Variants in LASP1 observed in about 807,000 individuals in gnomAD.
The protein encoded by LASP1 is LIM and SH3 protein 1, also known as LIM and SH3 domain protein 1.
A neutral mutation model predicts 38.6 loss-of-function variants in LASP1; 10 were observed. The ratio of observed to expected loss-of-function variants is 0.26; its 90% CI spans 0.16 to 0.44. The LOEUF (loss-of-function observed/expected upper bound fraction) is 0.44. Among genes scored for constraint, LASP1 ranks in the 20% least tolerant of loss-of-function variants. The pLI, the probability that LASP1 is intolerant of heterozygous loss-of-function variation, is 1.00. For synonymous variants in LASP1, 132 were observed against 140.8 expected (o/e 0.94, Z 0.44); for missense variants, 243 against 375.7 (o/e 0.65, Z 2.92).
At chr17:38,870,730 G>C (rs1053258822) in intron 1 of LASP1, among the ~76,000 whole-genome samples, 1 of 152,190 alleles carries the variant, frequency 6.6e-6, no homozygotes, top group Non-Finnish European at 1.5e-5. Flanking sequence ...CGCTCCGGCG[G>C]GGGTGGCCTG....
rs763669509 is a variant in LASP1 at position 38,920,100 on chromosome 17, C to G, written c.*1322C>G. On this transcript the variant is annotated 3_prime_UTR_variant, in exon 7 of 7. Coordinates refer to ENST00000318008, the MANE Select transcript of LASP1 (RefSeq NM_006148.4). ...AGTGGAGGAAGCCCACCAATCTGCCCTTTGCAGTGTGCAGGGTGGAAGGTA... is the reference window on the plus strand; with the variant it reads ...AGTGGAGGAAGCCCACCAATCTGCCGTTTGCAGTGTGCAGGGTGGAAGGTA... The G allele has an allele frequency of 1.9e-6, 1 of 536,884 alleles. No homozygotes were observed. Among genetic ancestry groups the G allele is most frequent in the East Asian group, 3.9e-5 (1 of 25,778 alleles). The allele number at this position is 536,884 out of a possible 1,614,324, so 33.3% of individuals were successfully genotyped here. A position where few individuals can be genotyped will look rare whatever the true frequency, so the allele number is the denominator to read the frequency against.
At position 38,920,461 on chromosome 17, in the gene LASP1, T is replaced by C. The variant is rs767283766; in HGVS notation, c.*1683T>C. The stretch of plus-strand genomic sequence containing the variant: ...TGTGACAACCCTGGCCTCACTTGAT[T>C]CATCTCTGGTTTTCTTGCCACCCTC... On this transcript the variant is annotated 3_prime_UTR_variant, in exon 7 of 7. Transcript: ENST00000318008. 1.1e-5 allele frequency: 3 copies of C among 268,630 alleles called. No homozygotes were observed. The highest frequency in any genetic ancestry group is 2.2e-5 in the Non-Finnish European group (3 of 137,340). The allele number at this position is 268,630 out of a possible 1,614,324, so 16.6% of individuals were successfully genotyped here. A position where few individuals can be genotyped will look rare whatever the true frequency, so the allele number is the denominator to read the frequency against.
chr17:38,918,496 TCA>T lies in LASP1; in HGVS notation c.613-107_613-106del. The stretch of plus-strand genomic sequence containing the variant: ...AGAGCCTGGTGCTCCATTTCTGAGT[TCA>T]CTGCTCCCCCAGGCTCTGCTCCAGG... On this transcript the variant is annotated intron_variant, in intron 6 of 6. Coordinates refer to ENST00000318008, the MANE Select transcript of LASP1 (RefSeq NM_006148.4). This position sits in a 1 kb window ranked among gnomAD's most constrained non-coding sequence, Gnocchi z 4.4. 9.1e-7 allele frequency: 1 copy of T among 1,097,350 alleles called. No homozygotes were observed. The highest frequency in any genetic ancestry group is 1.3e-6 in the Non-Finnish European group (1 of 764,088). The allele number at this position is 1,097,350 out of a possible 1,614,324, so 68.0% of individuals were successfully genotyped here. A position where few individuals can be genotyped will look rare whatever the true frequency, so the allele number is the denominator to read the frequency against.
chr17:38,909,432 G>A (rs1455025657), intron 4 of LASP1, among the ~76,000 whole-genome samples: 7 of 152,058 alleles, frequency 4.6e-5, no homozygotes, highest in African/African-American at 1.7e-4. Flanking sequence ...CATGGTAAAA[G>A]CCTGTCTCTA....
At chr17:38,907,299 C>T (rs1021083060) in intron 4 of LASP1, among the ~76,000 whole-genome samples, 9 of 152,036 alleles carry the variant, frequency 5.9e-5, no homozygotes, top group African/African-American at 1.4e-4. Context: ...CCCTCTCTCT[C>T]GAGTTAGGGT....
intron 6 of LASP1, among the ~76,000 whole-genome samples, chr17:38,917,662 C>G (rs1386105744): frequency 6.6e-6 from 1 of 151,916 alleles, no homozygotes; most frequent in Non-Finnish European, 1.5e-5. Flanking sequence ...CAAATAATAG[C>G]ATACAGGGCA....
At chr17:38,909,656 A>C (rs991611896) in intron 4 of LASP1, among the ~76,000 whole-genome samples, 2 of 152,092 alleles carry the variant, frequency 1.3e-5, no homozygotes, top group Non-Finnish European at 2.9e-5. Flanking sequence ...ACTAGGGGTC[A>C]TCAAGGTGTG....
Position 38,872,381 on chromosome 17 carries a change from C to T in LASP1, c.69+2123C>T, listed in dbSNP as rs547878298. 8.2e-4 allele frequency among the ~76,000 whole-genome samples: 125 copies of T among 152,238 alleles called. 1 individual carries two copies. The Middle Eastern group carries it at 0.034, about 42-fold the overall frequency. ...AGGGTGCCCTCCCCAGTTCTCTTAC[C>T]CTAGCTGGAAGAGGACGTTCAAGTG... On this transcript the variant is annotated intron_variant, in intron 1 of 6. Coordinates refer to ENST00000318008, the MANE Select transcript of LASP1 (RefSeq NM_006148.4).
chr17:38,909,537 G>A (rs1038823012), intron 4 of LASP1, among the ~76,000 whole-genome samples: 3 of 151,978 alleles, frequency 2.0e-5, no homozygotes, highest in African/African-American at 7.3e-5. Flanking sequence ...AACCCGGGAG[G>A]CAGAGGGTGC....
chr17:38,878,011 G>T, intron 1 of LASP1, 75 bp from the exon 2 acceptor site: 1 of 1,071,966 alleles, frequency 9.3e-7, no homozygotes, highest in East Asian at 2.4e-5. Flanking sequence ...GCTCCTGAGT[G>T]CCCCTTCCTA....
intron 4 of LASP1, chr17:38,898,920 C>A (rs1194970997): frequency 5.5e-6 from 2 of 366,276 alleles, no homozygotes; most frequent in East Asian, 7.3e-5. Flanking sequence ...ACATTGCAGT[C>A]ATTTCCGCCC....
At position 38,870,209 on chromosome 17, in the gene LASP1, G is replaced by A. The variant is rs1215161687; in HGVS notation, c.20G>A (p.Arg7Gln). 6.8e-6 allele frequency: 11 copies of A among 1,613,870 alleles called. No individual in the cohort carries two copies. The highest frequency in any genetic ancestry group is 9.3e-6 in the Non-Finnish European group (11 of 1,179,856). Residue 7 changes from arginine (R) to glutamine (Q), a missense_variant, in exon 1 of 7, where the codon CGG (arginine) becomes CAG (glutamine). Physicochemically the swap from Arg to Gln is conservative, Grantham distance 43. Around this residue, in one of 4 missense-constraint regions of LASP1, gnomAD observed 43 missense variants for 108.3 expected, o/e 0.40. Coordinates refer to ENST00000318008, the MANE Select transcript of LASP1 (RefSeq NM_006148.4). MNPNCARCGKIVYPTEK... is the reference protein window; with the variant it reads MNPNCAQCGKIVYPTEK... ...GGAACCATGAACCCCAACTGCGCCC[G>A]GTGCGGCAAGATCGTGTATCCCACG... is the stretch of plus-strand genomic sequence containing the variant.
intron 4 of LASP1, among the ~76,000 whole-genome samples, chr17:38,900,033 T>C (rs1323492470): frequency 6.6e-6 from 1 of 151,516 alleles, no homozygotes; most frequent in East Asian, 1.9e-4. Flanking sequence ...CCCGGCCACA[T>C]TCAGATCTTT....
At position 38,891,327 on chromosome 17, in the gene LASP1, C is replaced by G. The variant is rs530647032; in HGVS notation, c.249+823C>G. 1.9e-4 allele frequency among the ~76,000 whole-genome samples: 29 copies of G among 152,194 alleles called. No individual in the cohort carries two copies. In the South Asian group the frequency reaches 5.6e-3, roughly 29 times the overall value. On this transcript the variant is annotated intron_variant, in intron 3 of 6. Transcript: ENST00000318008. ...GGGAGAAGACTGCAGAGGTTCCACC[C>G]GGGCCACAGAGGGGATCTCTCCCAG...
At chr17:38,890,643 A>G (rs1323043328) in intron 3 of LASP1, 139 bp downstream of exon 3, 6 of 738,978 alleles carry the variant, frequency 8.1e-6, no homozygotes, top group Non-Finnish European at 4.7e-6. Context: ...ATTGCCTTTA[A>G]TCTTGACCCC....
intron 2 of LASP1, among the ~76,000 whole-genome samples, chr17:38,878,541 C>T (rs539761849): frequency 1.3e-5 from 2 of 152,300 alleles, no homozygotes; most frequent in African/African-American, 2.4e-5. Flanking sequence ...GGGCTTTCCT[C>T]GTGGTCTTTC....
chr17:38,875,823 G>C (rs1913752345), intron 1 of LASP1, among the ~76,000 whole-genome samples: 2 of 152,174 alleles, frequency 1.3e-5, no homozygotes, highest in African/African-American at 4.8e-5. Flanking sequence ...ATTTTGAAAA[G>C]CATCGCCTTG....
chr17:38,883,625 G>A (rs1914013945), intron 2 of LASP1, among the ~76,000 whole-genome samples: 1 of 152,128 alleles, frequency 6.6e-6, no homozygotes, highest in East Asian at 1.9e-4. Context: ...GGAGCCTGAG[G>A]GATCACTTTG....
chr17:38,911,363 C>T (rs1747823121), intron 4 of LASP1, among the ~76,000 whole-genome samples: 2 of 152,216 alleles, frequency 1.3e-5, no homozygotes, highest in South Asian at 2.1e-4. Context: ...TGACCTTAAT[C>T]CCTTCCCTCC....
Sources: gnomAD v4.1 joint callset for allele counts (sites outside exome capture counted in the v4.1 genomes callset) on GRCh38, gnomAD v4.1.1 for gene constraint, gnomAD v4.1.1 regional missense constraint, Gnocchi (gnomAD v3.1) non-coding constraint, MANE v1.5 for transcripts, NCBI Gene and HGNC (gene_info 2026-07-23, HGNC 2026-07-21) for gene names.